The following KALRN variants were observed in gnomAD, a reference collection of about 807,000 sequenced individuals.
The protein encoded by KALRN is kalirin.
A neutral mutation model predicts 353.7 loss-of-function variants in KALRN; 70 were observed. That is an observed-to-expected ratio of 0.20 (90% CI 0.16 to 0.24). The LOEUF (loss-of-function observed/expected upper bound fraction) is 0.24. KALRN is among the 10% of genes least tolerant of loss of function. The probability of loss-of-function intolerance (pLI) is 1.00; values close to 1 mark genes in which losing one functional copy is unlikely to be tolerated. For missense variants in KALRN, 2,791 were observed against 3,756.7 expected (o/e 0.74, Z 6.72); for synonymous variants, 1,391 against 1,434.8 (o/e 0.97, Z 0.69).
At chr3:124,303,371 A>G (rs2077417890) in intron 6 of KALRN, among the ~76,000 whole-genome samples, 1 of 152,172 alleles carries the variant, frequency 6.6e-6, no homozygotes, top group Non-Finnish European at 1.5e-5. Context: ...TGCCTCAGAC[A>G]ACCAGCTTTC....
At chr3:124,306,839 CAACAT>C (rs1266979257) in intron 6 of KALRN, among the ~76,000 whole-genome samples, 1 of 152,040 alleles carries the variant, frequency 6.6e-6, no homozygotes, top group Admixed American at 6.6e-5. Flanking sequence ...GGAAGTAGGA[CAACAT>C]ATTAAAAAGT....
At chr3:124,676,296 G>C (rs1038399679) in intron 49 of KALRN, among the ~76,000 whole-genome samples, 4 of 152,140 alleles carry the variant, frequency 2.6e-5, no homozygotes, top group African/African-American at 9.7e-5. Flanking sequence ...AAAAGGGTTG[G>C]GGGTGTGTGT....
chr3:124,228,017 C>T lies in KALRN; in HGVS notation c.101C>T (p.Ala34Val). The T allele has an allele frequency of 6.2e-7, 1 of 1,614,088 alleles. No homozygotes were observed. Among genetic ancestry groups the T allele is most frequent in the East Asian group, 2.2e-5 (1 of 44,890 alleles). ...TGSFRNDGLK[A>V]SDVLPILKEK... ...TCTTTTCGGAATGATGGTTTGAAAGCTTCTGATGTCCTTCCTATCCTAAAG... is the reference window on the plus strand; with the variant it reads ...TCTTTTCGGAATGATGGTTTGAAAGTTTCTGATGTCCTTCCTATCCTAAAG... Residue 34 changes from alanine to valine, a missense_variant, in exon 2 of 60, where the codon GCT becomes GTT. By Grantham distance (64) the Ala-to-Val change is moderately conservative. Coordinates refer to ENST00000682506, the MANE Select transcript of KALRN (RefSeq NM_001388419.1).
intron 1 of KALRN, among the ~76,000 whole-genome samples, chr3:124,165,033 T>C (rs917835938): frequency 1.3e-5 from 2 of 152,234 alleles, no homozygotes; most frequent in African/African-American, 2.4e-5. Context: ...GCTGAAGGTT[T>C]CTTCTGTTCA....
intron 3 of KALRN, among the ~76,000 whole-genome samples, chr3:124,251,332 C>T (rs979112288): frequency 2.7e-5 from 4 of 148,272 alleles, no homozygotes; most frequent in Non-Finnish European, 6.0e-5. Context: ...TGACTGTTTG[C>T]GGCGTGGCAT....
At chr3:124,495,803 ACCCT>A (rs1337331602) in intron 32 of KALRN, among the ~76,000 whole-genome samples, 7 of 147,230 alleles carry the variant, frequency 4.8e-5, no homozygotes, top group African/African-American at 1.7e-4. Context: ...CTGTAAATGA[ACCCT>A]CATCTTAATT....
intron 33 of KALRN, among the ~76,000 whole-genome samples, chr3:124,521,634 A>AC (rs1561214317): frequency 6.6e-6 from 1 of 151,948 alleles, no homozygotes; most frequent in Non-Finnish European, 1.5e-5. Context: ...TTAGAAAAAA[A>AC]CAGAGAGTAT....
chr3:124,497,666 A>G (rs2064016179), intron 33 of KALRN, among the ~76,000 whole-genome samples: 1 of 152,218 alleles, frequency 6.6e-6, no homozygotes, highest in South Asian at 2.1e-4. Context: ...AAAACATACA[A>G]TGAAAAACCA....
intron 1 of KALRN, among the ~76,000 whole-genome samples, chr3:124,117,217 G>A (rs1223141074): frequency 6.6e-6 from 1 of 152,162 alleles, no homozygotes; most frequent in African/African-American, 2.4e-5. Flanking sequence ...CAGAGGGAGA[G>A]AAGGGGGGAC....
chr3:124,227,884 C>T (rs952562110), intron 1 of KALRN, 106 bp from the exon 2 acceptor site: 2 of 892,090 alleles, frequency 2.2e-6, no homozygotes, highest in Non-Finnish European at 3.8e-6. Flanking sequence ...CTGGACAAGG[C>T]AGGACTTGCC....
intron 1 of KALRN, among the ~76,000 whole-genome samples, chr3:124,119,062 T>C (rs890398040): frequency 2.0e-5 from 3 of 152,212 alleles, no homozygotes; most frequent in Non-Finnish European, 4.4e-5. Flanking sequence ...ACAGAGAGTG[T>C]CTCTGGGATT....
intron 34 of KALRN, among the ~76,000 whole-genome samples, chr3:124,566,218 C>T (rs535496300): frequency 6.6e-6 from 1 of 152,138 alleles, no homozygotes; most frequent in Non-Finnish European, 1.5e-5. Context: ...GGACCTAAGT[C>T]GGCCAGGCGC....
chr3:124,096,950 G>A (rs1040478697), intron 1 of KALRN, among the ~76,000 whole-genome samples: 3 of 152,176 alleles, frequency 2.0e-5, no homozygotes, highest in Non-Finnish European at 4.4e-5. Context: ...ACCACATATG[G>A]CTGTAATTTG....
At chr3:124,599,540 C>G (rs972003459) in intron 34 of KALRN, among the ~76,000 whole-genome samples, 3 of 152,170 alleles carry the variant, frequency 2.0e-5, no homozygotes, top group Non-Finnish European at 4.4e-5. Flanking sequence ...GCTGCTGCCT[C>G]CTGCTGCGAT....
intron 15 of KALRN, 52 bp downstream of exon 15, chr3:124,423,030 G>A (rs1357282082): frequency 5.1e-6 from 8 of 1,571,864 alleles, no homozygotes; most frequent in Non-Finnish European, 6.1e-6. Context: ...AGCTGAGCCT[G>A]ACCTGGGACC....
chr3:124,246,087 T>A (rs2081088665), intron 3 of KALRN, among the ~76,000 whole-genome samples: 1 of 152,252 alleles, frequency 6.6e-6, no homozygotes, highest in Non-Finnish European at 1.5e-5. Flanking sequence ...TTCCTTTCTT[T>A]TGGCCATATA....
chr3:124,286,675 T>C (rs2075942918), intron 5 of KALRN, among the ~76,000 whole-genome samples: 2 of 152,276 alleles, frequency 1.3e-5, no homozygotes, highest in Admixed American at 1.3e-4. Context: ...AATTCTAGAA[T>C]GTTCATACAA....
chr3:124,309,573 A>T (rs796553535), intron 6 of KALRN, among the ~76,000 whole-genome samples: 5 of 152,298 alleles, frequency 3.3e-5, no homozygotes, highest in African/African-American at 1.2e-4. Context: ...AAACAAACAA[A>T]AAGAAACAAA....
chr3:124,235,605 C>T (rs991208649), intron 3 of KALRN, among the ~76,000 whole-genome samples: 8 of 151,790 alleles, frequency 5.3e-5, no homozygotes, highest in African/African-American at 1.9e-4. Flanking sequence ...TCATGTCCTG[C>T]TTAGGGAAAG....
Sources: gnomAD v4.1 joint callset for allele counts (sites outside exome capture counted in the v4.1 genomes callset) on GRCh38, gnomAD v4.1.1 for gene constraint, MANE v1.5 for transcripts, NCBI Gene and HGNC (gene_info 2026-07-23, HGNC 2026-07-21) for gene names.